HSF5: variants seen among roughly 807,000 people sequenced by gnomAD.
The protein encoded by HSF5 is heat shock factor protein 5.
In HSF5, 5 loss-of-function variants were observed where a neutral mutation model predicts 50.8. The ratio of observed to expected loss-of-function variants is 0.10; its 90% confidence interval spans 0.05 to 0.21. The LOEUF is 0.21. Ranked by LOEUF, HSF5 falls within the 10% of genes least tolerant of loss-of-function variation. HSF5 has a pLI of 1.00. For synonymous variants in HSF5, 307 were observed against 307.4 expected (o/e 1.00, Z 0.02); for missense variants, 564 against 762.6 (o/e 0.74, Z 3.07).
intron 2 of HSF5, chr17:58,476,292 G>C: frequency 4.0e-6 from 4 of 997,376 alleles, no homozygotes; most frequent in Non-Finnish European, 4.7e-6. Flanking sequence ...GAACCAAGTG[G>C]TACTGTAATG....
intron 4 of HSF5, among the ~76,000 whole-genome samples, chr17:58,460,513 ACT>A (rs1974778828): frequency 7.1e-6 from 1 of 141,244 alleles, no homozygotes. Context: ...ACACACACAT[ACT>A]TTTTTTTTTT....
Position 58,488,359 on chromosome 17 carries a change from C to T in HSF5, c.-85G>A. ...CCTCCCCGGCCTTCGCCTCGCCCTG[C>T]CCGCTCCTGCCGGCGCCCATCCGCC... On this transcript the variant is annotated 5_prime_UTR_variant, in exon 1 of 6. Transcript: ENST00000323777. The surrounding 1 kb of genome is among the most constrained non-coding windows in gnomAD (Gnocchi z 4.1). 2 of 1,343,802 alleles carry T rather than the reference C, an allele frequency of 1.5e-6. No individual in the cohort carries two copies. Among genetic ancestry groups the T allele is most frequent in the African/African-American group, 1.5e-5 (1 of 64,992 alleles). The allele number at this position is 1,343,802 out of a possible 1,614,324, so 83.2% of individuals were successfully genotyped here. A position where few individuals can be genotyped will look rare whatever the true frequency, so the allele number is the denominator to read the frequency against.
At chr17:58,442,748 T>G (rs1974515126) in intron 5 of HSF5, among the ~76,000 whole-genome samples, 1 of 152,100 alleles carries the variant, frequency 6.6e-6, no homozygotes, top group African/African-American at 2.4e-5. Flanking sequence ...TTTTGTTTGT[T>G]TGTTTTTGTT....
intron 2 of HSF5, chr17:58,476,996 A>G (rs2531737): frequency 0.83 from 489,326 of 588,482 alleles, 204,818 homozygotes; most frequent in East Asian, 1. Flanking sequence ...AGGCTAAGGG[A>G]ACAGGCAGGC....
chr17:58,451,443 A>G (rs1016493170), intron 5 of HSF5, among the ~76,000 whole-genome samples: 2 of 152,224 alleles, frequency 1.3e-5, no homozygotes, highest in African/African-American at 4.8e-5. Context: ...TTAGGCCATA[A>G]AAGAAGTCTT....
At chr17:58,422,830 G>C (rs1198975917) in intron 5 of HSF5, among the ~76,000 whole-genome samples, 1 of 151,766 alleles carries the variant, frequency 6.6e-6, no homozygotes, top group Non-Finnish European at 1.5e-5. Context: ...CAAGTAGCTA[G>C]GATTACAGGC....
intron 5 of HSF5, among the ~76,000 whole-genome samples, chr17:58,447,104 G>A (rs1473005354): frequency 6.6e-6 from 1 of 152,038 alleles, no homozygotes; most frequent in Non-Finnish European, 1.5e-5. Flanking sequence ...TAGCCTGGGC[G>A]ACAGAGCAAG....
At chr17:58,476,156 C>A in intron 2 of HSF5, 1 of 1,037,850 alleles carries the variant, frequency 9.6e-7, no homozygotes. Context: ...ATCCTTCTCT[C>A]CTTCCTCCCC....
chr17:58,456,199 G>A (rs117067137), intron 5 of HSF5, among the ~76,000 whole-genome samples: 1,657 of 146,698 alleles, frequency 0.011, 15 homozygotes, highest in Middle Eastern at 0.042. Context: ...ACACACGTAC[G>A]TACATAAATA....
chr17:58,476,818 T>C (rs1276506465), intron 2 of HSF5: 2 of 1,562,688 alleles, frequency 1.3e-6, no homozygotes, highest in African/African-American at 2.7e-5. Flanking sequence ...GTTCATTAAG[T>C]CTGTCTATTT....
chr17:58,423,871 C>T (rs898262472), intron 5 of HSF5, among the ~76,000 whole-genome samples: 4 of 152,178 alleles, frequency 2.6e-5, no homozygotes, highest in African/African-American at 7.2e-5. Flanking sequence ...ATTTCATTCT[C>T]AACATACAAA....
chr17:58,451,398 C>G (rs1328537268), intron 5 of HSF5, among the ~76,000 whole-genome samples: 2 of 152,152 alleles, frequency 1.3e-5, no homozygotes, highest in Non-Finnish European at 2.9e-5. Context: ...TTCTTCTCAA[C>G]AACATATGGA....
chr17:58,446,355 C>T (rs1974562806), intron 5 of HSF5, among the ~76,000 whole-genome samples: 1 of 152,054 alleles, frequency 6.6e-6, no homozygotes, highest in Admixed American at 6.6e-5. Flanking sequence ...TCTCACATTG[C>T]CCAGAGCACC....
chr17:58,474,262 T>C (rs1265918586), intron 2 of HSF5, among the ~76,000 whole-genome samples: 1 of 152,228 alleles, frequency 6.6e-6, no homozygotes, highest in Non-Finnish European at 1.5e-5. Flanking sequence ...TTCTTTTCCA[T>C]TGCAAGTTTT....
intron 5 of HSF5, among the ~76,000 whole-genome samples, chr17:58,457,570 C>T (rs941850703): frequency 2.0e-4 from 31 of 152,100 alleles, no homozygotes; most frequent in African/African-American, 7.5e-4. Flanking sequence ...TGCATTCTAG[C>T]CCGGGCAACA....
At chr17:58,430,423 ATG>A (rs1454514360) in intron 5 of HSF5, among the ~76,000 whole-genome samples, 4 of 152,192 alleles carry the variant, frequency 2.6e-5, no homozygotes, top group Non-Finnish European at 5.9e-5. Flanking sequence ...GAAGATTAGC[ATG>A]TGAGTCTGAG....
intron 1 of HSF5, among the ~76,000 whole-genome samples, chr17:58,486,970 C>T (rs1340013556): frequency 7.3e-6 from 1 of 137,612 alleles, no homozygotes; most frequent in African/African-American, 2.7e-5. Flanking sequence ...TGCAGTGGCA[C>T]TATCTCGGCT....
At chr17:58,425,097 C>T (rs537773802) in intron 5 of HSF5, among the ~76,000 whole-genome samples, 31 of 152,118 alleles carry the variant, frequency 2.0e-4, no homozygotes, top group Middle Eastern at 6.8e-3. Context: ...GAACTGTATA[C>T]TTAAAAATGG....
rs1184698374 is a variant in HSF5 at position 58,488,306 on chromosome 17, G to C, written c.-32C>G. 2 of 1,445,058 alleles carry C rather than the reference G, an allele frequency of 1.4e-6. No homozygotes were observed. Among genetic ancestry groups the C allele is most frequent in the East Asian group, 2.7e-5 (1 of 37,500 alleles). 89.5% of individuals were successfully genotyped at this position (1,445,058 alleles called of 1,614,324 possible). Reference sequence around the variant, plus strand: ...GCCGGGCCGGGGCCTCGCCCCCCGAGCCTAGCTCTCCCACACCGTTCTCGA... The same window carrying C: ...GCCGGGCCGGGGCCTCGCCCCCCGACCCTAGCTCTCCCACACCGTTCTCGA... On this transcript the variant is annotated 5_prime_UTR_variant, in exon 1 of 6. Transcript: ENST00000323777. This position sits in a 1 kb window ranked among gnomAD's most constrained non-coding sequence, Gnocchi z 4.1.
Sources: gnomAD v4.1 joint callset for allele counts (sites outside exome capture counted in the v4.1 genomes callset) on GRCh38, gnomAD v4.1.1 for gene constraint, Gnocchi (gnomAD v3.1) non-coding constraint, MANE v1.5 for transcripts, NCBI Gene and HGNC (gene_info 2026-07-23, HGNC 2026-07-21) for gene names.